SMO: variants seen among roughly 807,000 people sequenced by gnomAD.
SMO encodes the protein smoothened, frizzled class receptor, also known as protein smoothened.
A neutral mutation model predicts 81.6 loss-of-function variants in SMO; 40 were observed. The ratio of observed to expected loss-of-function variants is 0.49; its 90% CI spans 0.38 to 0.64. The LOEUF (loss-of-function observed/expected upper bound fraction) is 0.64, where lower values mean the gene tolerates loss of function less well. Among genes scored for constraint, SMO ranks in the 30% least tolerant of loss-of-function variants. The pLI is 0.00. For synonymous variants in SMO, 434 were observed against 432.1 expected, an observed-to-expected ratio of 1.00 and a Z score of -0.05; for missense variants, 916 against 1,061.1, an observed-to-expected ratio of 0.86 and a Z score of 1.90.
In SMO at chr7:129,189,492, G is replaced by T. The variant is rs1291385899; in HGVS notation, c.331+10G>T. ...CTCGTGCTCTGGTCGGGTAAGTGCG[G>T]CGGAGCCGGGTCTGGGGGGCGGGAG... On this transcript the variant is annotated intron_variant, in intron 1 of 11. Transcript: ENST00000249373. The surrounding 1 kb of genome is among the most constrained non-coding windows in gnomAD (Gnocchi z 4.7). 1 of 1,535,722 alleles carries T rather than the reference G, an allele frequency of 6.5e-7. No homozygotes were observed. The highest frequency in any genetic ancestry group is 8.7e-7 in the Non-Finnish European group (1 of 1,146,682).
chr7:129,196,927 G>A (rs925469853), intron 1 of SMO, among the ~76,000 whole-genome samples: 2 of 146,274 alleles, frequency 1.4e-5, no homozygotes, highest in Non-Finnish European at 3.0e-5. Context: ...TGAGGCAGGA[G>A]AATGGCGTGA....
chr7:129,204,776 G>A (rs1793731330), intron 2 of SMO, among the ~76,000 whole-genome samples: 1 of 152,148 alleles, frequency 6.6e-6, no homozygotes, highest in Non-Finnish European at 1.5e-5. Flanking sequence ...CCAGCACTTT[G>A]GGAGGCCGAG....
chr7:129,189,794 G>C lies in SMO; in HGVS notation c.331+312G>C, dbSNP rs1793456895. ...AGCCACGGGAAAAGACATTTTGTAAGAAGAGGAGATGCTCCACCTATTCTG... is the reference window on the plus strand; with the variant it reads ...AGCCACGGGAAAAGACATTTTGTAACAAGAGGAGATGCTCCACCTATTCTG... On this transcript the variant is annotated intron_variant, in intron 1 of 11. Transcript: ENST00000249373. The surrounding 1 kb of genome is among the most constrained non-coding windows in gnomAD (Gnocchi z 4.7). Among the ~76,000 whole-genome samples, 1 of 152,170 alleles carries C rather than the reference G, an allele frequency of 6.6e-6. No individual in the cohort carries two copies. The highest frequency in any genetic ancestry group is 1.5e-5 in the Non-Finnish European group (1 of 68,026).
Position 129,211,090 on chromosome 7 carries a change from C to T in SMO, c.1778C>T (p.Thr593Ile). 2 of 1,611,778 alleles carry T rather than the reference C, an allele frequency of 1.2e-6. No individual in the cohort carries two copies. Among genetic ancestry groups the T allele is most frequent in the Non-Finnish European group, 1.7e-6 (2 of 1,178,820 alleles). Residue 593 changes from threonine (T) to isoleucine (I), a missense_variant, in exon 10 of 12, where the codon ACT becomes ATT. This residue lies in a region of SMO where 324 missense variants were observed against 312.9 expected (regional missense o/e 1.04). Coordinates refer to ENST00000249373, the MANE Select transcript of SMO (RefSeq NM_005631.5). The surrounding 1 kb of genome is among the most constrained non-coding windows in gnomAD (Gnocchi z 4.6). ...PGQELSFSMH[T>I]VSHDGPVAGL... ...CAGGAGCTGTCCTTCAGCATGCACA[C>T]TGTGTCCCACGACGGGCCCGTGGGT... is the stretch of plus-strand genomic sequence containing the variant.
intron 1 of SMO, among the ~76,000 whole-genome samples, chr7:129,196,730 A>G (rs1010014841): frequency 6.6e-6 from 1 of 152,164 alleles, no homozygotes; most frequent in Non-Finnish European, 1.5e-5. Context: ...ATATAGAAAT[A>G]AAACTGGCTG....
In SMO at chr7:129,211,229, G is replaced by A; in HGVS notation, c.1801+116G>A. 1 of 1,140,038 alleles carries A rather than the reference G, an allele frequency of 8.8e-7. No individual in the cohort carries two copies. The highest frequency in any genetic ancestry group is 1.9e-5 in the Admixed American group (1 of 51,778). 70.6% of individuals were successfully genotyped at this position (1,140,038 alleles called of 1,614,324 possible). The stretch of plus-strand genomic sequence containing the variant: ...TTGGAAGACCGACTGTGAGGAGCAA[G>A]GCGCTCCCTCCATCGCTCACACACC... On this transcript the variant is annotated intron_variant, in intron 10 of 11. Transcript: ENST00000249373. This position sits in a 1 kb window ranked among gnomAD's most constrained non-coding sequence, Gnocchi z 4.6.
At chr7:129,205,992 C>A (rs568724099) in intron 4 of SMO, among the ~76,000 whole-genome samples, 158 bp from the exon 5 acceptor site, 1 of 152,304 alleles carries the variant, frequency 6.6e-6, no homozygotes, top group Admixed American at 6.5e-5. Context: ...GGGGCGGCTC[C>A]TAGAGCCTCC....
Position 129,189,939 on chromosome 7 carries a change from G to C in SMO, c.331+457G>C, listed in dbSNP as rs1793458471. On this transcript the variant is annotated intron_variant, in intron 1 of 11. Transcript: ENST00000249373. This position sits in a 1 kb window ranked among gnomAD's most constrained non-coding sequence, Gnocchi z 4.7. Reference sequence around the variant, plus strand: ...TAGACATTTGGAGGGAAGGGTAGGGGGACATGATCGAGTGAAGTTTTGAAG... The same window carrying C: ...TAGACATTTGGAGGGAAGGGTAGGGCGACATGATCGAGTGAAGTTTTGAAG... Among the ~76,000 whole-genome samples the C allele has an allele frequency of 6.6e-6, 1 of 151,952 alleles. No individual in the cohort carries two copies. Among genetic ancestry groups the C allele is most frequent in the Admixed American group, 6.6e-5 (1 of 15,254 alleles).
intron 8 of SMO, 77 bp downstream of exon 8, chr7:129,209,474 G>A: frequency 2.2e-6 from 2 of 920,778 alleles, no homozygotes; most frequent in Non-Finnish European, 3.5e-6. Context: ...CACCCACCGG[G>A]CAGCAGGGAT....
At chr7:129,194,428 A>G (rs1793537493) in intron 1 of SMO, among the ~76,000 whole-genome samples, 1 of 152,186 alleles carries the variant, frequency 6.6e-6, no homozygotes, top group Non-Finnish European at 1.5e-5. Flanking sequence ...TGTATGCAGA[A>G]AACTGCATAA....
chr7:129,210,428 A>C lies in SMO; in HGVS notation c.1532A>C (p.Asn511Thr), dbSNP rs2150653777. The C allele has an allele frequency of 1.9e-6, 3 of 1,614,164 alleles. No individual in the cohort carries two copies. Among genetic ancestry groups the C allele is most frequent in the Non-Finnish European group, 2.5e-6 (3 of 1,179,996 alleles). The change falls in exon 9 of 12, where the codon AAT (asparagine) becomes ACT (threonine). Residue 511 changes from asparagine (N) to threonine (T), a missense_variant. Asn to Thr is a moderately conservative substitution (Grantham distance 65, BLOSUM62 0). Transcript: ENST00000249373. This position sits in a 1 kb window ranked among gnomAD's most constrained non-coding sequence, Gnocchi z 4.7. Reference protein sequence around the residue: ...KQPIPDCEIKNRPSLLVEKIN... With the variant: ...KQPIPDCEIKTRPSLLVEKIN... ...CCCATCCCTGACTGTGAGATCAAGA[A>C]TCGCCCGAGCCTTCTGGTGGAGAAG...
chr7:129,206,247 C>T lies in SMO; in HGVS notation c.1018C>T (p.His340Tyr), dbSNP rs762297325. The change falls in exon 5 of 12, where the codon CAC (histidine) becomes TAC (tyrosine). Residue 340 changes from histidine (H) to tyrosine (Y), a missense_variant. Around this residue, in one of 4 missense-constraint regions of SMO, gnomAD observed 436 missense variants for 570.9 expected, o/e 0.76. Coordinates refer to ENST00000249373, the MANE Select transcript of SMO (RefSeq NM_005631.5). The surrounding 1 kb of genome is among the most constrained non-coding windows in gnomAD (Gnocchi z 4.4). ...VWFVVLTYAW[H>Y]TSFKALGTTY... ...GTTTGTGGTCCTCACCTATGCCTGG[C>T]ACACTTCCTTCAAAGCCCTGGGCAC... The T allele has an allele frequency of 2.5e-6, 4 of 1,614,194 alleles. No homozygotes were observed. The highest frequency in any genetic ancestry group is 3.4e-6 in the Non-Finnish European group (4 of 1,180,010).
chr7:129,193,806 ATATATATATATG>A lies in SMO; in HGVS notation c.331+4329_331+4340del, dbSNP rs1454149926. On this transcript the variant is annotated intron_variant, in intron 1 of 11. Transcript: ENST00000249373. ...AAAAAATATATATATATATATATAT[ATATATATATATG>A]TATAGGCTGGGTGCAGTGGCTCACA... Among the ~76,000 whole-genome samples the A allele has an allele frequency of 9.0e-4, 102 of 112,848 alleles. 1 individual carries two copies. The highest frequency in any genetic ancestry group is 3.4e-3 in the African/African-American group (98 of 29,144). 74.0% of individuals were successfully genotyped at this position (112,848 alleles called of 152,430 possible).
rs1291049565 is a variant in SMO, at chr7:129,189,999, G to A, written c.331+517G>A. On this transcript the variant is annotated intron_variant, in intron 1 of 11. Transcript: ENST00000249373. The surrounding 1 kb of genome is among the most constrained non-coding windows in gnomAD (Gnocchi z 4.7). ...CCTCCCTAGTGATGAATTATTAAAA[G>A]GTAACCAGAAAGTTCTGGAAATCTT... Among the ~76,000 whole-genome samples, 2 of 152,094 alleles carry A rather than the reference G, an allele frequency of 1.3e-5. No homozygotes were observed. The highest frequency in any genetic ancestry group is 2.9e-5 in the Non-Finnish European group (2 of 68,000).
chr7:129,209,198 C>A, intron 7 of SMO, 91 bp from the exon 8 acceptor site: 1 of 769,666 alleles, frequency 1.3e-6, no homozygotes, highest in Non-Finnish European at 2.3e-6. Context: ...GCTGGGTGAA[C>A]TTTGAGGCCC....
Position 129,212,646 on chromosome 7 carries a change from C to T in SMO, c.*195C>T, listed in dbSNP as rs1386559057. ...AGAGCCTAACATCTCCATGGGGAGG[C>T]CTCACCCCAGGGACAGGGCCCTGGA... is the stretch of plus-strand genomic sequence containing the variant. On this transcript the variant is annotated 3_prime_UTR_variant, in exon 12 of 12. Coordinates refer to ENST00000249373, the MANE Select transcript of SMO (RefSeq NM_005631.5). This position sits in a 1 kb window ranked among gnomAD's most constrained non-coding sequence, Gnocchi z 5.0. 1 of 612,476 alleles carries T rather than the reference C, an allele frequency of 1.6e-6. No individual in the cohort carries two copies. Among genetic ancestry groups the T allele is most frequent in the Non-Finnish European group, 2.8e-6 (1 of 351,286 alleles). 37.9% of individuals were successfully genotyped at this position (612,476 alleles called of 1,614,324 possible).
At chr7:129,196,307 A>G (rs1470305593) in intron 1 of SMO, among the ~76,000 whole-genome samples, 1 of 142,752 alleles carries the variant, frequency 7.0e-6, no homozygotes, top group Non-Finnish European at 1.5e-5. Flanking sequence ...TATCTAGTAG[A>G]GAGTCTGAGC....
chr7:129,189,067 G>A lies in SMO; in HGVS notation c.-85G>A. 8.5e-7 allele frequency: 1 copy of A among 1,178,242 alleles called. No homozygotes were observed. The highest frequency in any genetic ancestry group is 1.1e-6 in the Non-Finnish European group (1 of 946,326). 73.0% of individuals were successfully genotyped at this position (1,178,242 alleles called of 1,614,324 possible). A position where few individuals can be genotyped will look rare whatever the true frequency, so the allele number is the denominator to read the frequency against. On this transcript the variant is annotated 5_prime_UTR_variant, in exon 1 of 12. Coordinates refer to ENST00000249373, the MANE Select transcript of SMO (RefSeq NM_005631.5). This position sits in a 1 kb window ranked among gnomAD's most constrained non-coding sequence, Gnocchi z 4.7. Reference sequence around the variant, plus strand: ...CACAGGTCGCCTGAGCCGCCTCCGCGGCCGCCGAGGTCGTGCGTGTGGCCG... The same window carrying A: ...CACAGGTCGCCTGAGCCGCCTCCGCAGCCGCCGAGGTCGTGCGTGTGGCCG...
rs933729319 is a variant in SMO, at chr7:129,189,265, G to T, written c.114G>T (p.Gly38=). The T allele has an allele frequency of 7.3e-7, 1 of 1,373,446 alleles. No homozygotes were observed. The allele number at this position is 1,373,446 out of a possible 1,614,324, so 85.1% of individuals were successfully genotyped here. A position where few individuals can be genotyped will look rare whatever the true frequency, so the allele number is the denominator to read the frequency against. The change falls in exon 1 of 12, where the codon GGG becomes GGT. Residue 38 remains glycine (G), a synonymous_variant. Transcript: ENST00000249373. The surrounding 1 kb of genome is among the most constrained non-coding windows in gnomAD (Gnocchi z 4.7). ...RGAASSGNAT[G]PGPRSAGGSA... ...CGGCCTCGAGCGGGAACGCGACCGG[G>T]CCTGGGCCTCGGAGCGCGGGCGGGA...
Sources: allele counts gnomAD v4.1 joint callset (sites outside exome capture counted in the v4.1 genomes callset), GRCh38; gene constraint gnomAD v4.1.1; regional missense constraint gnomAD v4.1.1; non-coding constraint Gnocchi (gnomAD v3.1); transcripts MANE v1.5; gene names NCBI Gene and HGNC (gene_info 2026-07-23, HGNC 2026-07-21).